IFI16: variants seen among roughly 807,000 people sequenced by gnomAD.
IFI16 encodes gamma-interferon-inducible protein 16.
IFI16 carries 49 observed loss-of-function variants against 68.4 expected under a neutral mutation model. The observed-to-expected ratio is 0.72, with a 90% CI of 0.57 to 0.91. IFI16 has a LOEUF of 0.91. IFI16 is among the 40% of genes least tolerant of loss of function. The pLI, the probability that IFI16 is intolerant of heterozygous loss-of-function variation, is 0.00. For missense variants in IFI16, 878 were observed against 942.9 expected (o/e 0.93, Z 0.90); for synonymous variants, 307 against 315.0 (o/e 0.97, Z 0.27).
intron 8 of IFI16, 106 bp downstream of exon 8, chr1:159,045,570 T>C: frequency 8.6e-7 from 1 of 1,165,450 alleles, no homozygotes; most frequent in Non-Finnish European, 1.2e-6. Context: ...TACAATGCTT[T>C]AATTTAACCA....
chr1:159,020,119 A>T (rs1281399895), intron 5 of IFI16, among the ~76,000 whole-genome samples: 1 of 152,194 alleles, frequency 6.6e-6, no homozygotes, highest in African/African-American at 2.4e-5. Flanking sequence ...AAGAAAACTC[A>T]TTGTTCTAGA....
chr1:159,029,769 C>G (rs1211409667), intron 6 of IFI16, among the ~76,000 whole-genome samples: 1 of 151,792 alleles, frequency 6.6e-6, no homozygotes, highest in Non-Finnish European at 1.5e-5. Flanking sequence ...CAACCTCCAC[C>G]TCCCAGGTTC....
intron 6 of IFI16, among the ~76,000 whole-genome samples, chr1:159,031,441 T>G (rs1257889770): frequency 6.6e-6 from 1 of 152,212 alleles, no homozygotes; most frequent in Non-Finnish European, 1.5e-5. Flanking sequence ...CTGGCAGCCC[T>G]CCTGAAGGAC....
At chr1:159,022,500 A>G (rs987859002) in intron 6 of IFI16, among the ~76,000 whole-genome samples, 2 of 152,140 alleles carry the variant, frequency 1.3e-5, no homozygotes, top group South Asian at 2.1e-4. Context: ...ATTGGCTGGG[A>G]CGGGACCTCA....
chr1:159,051,565 C>A, intron 9 of IFI16, 114 bp from the exon 10 acceptor site: 1 of 750,082 alleles, frequency 1.3e-6, no homozygotes, highest in Non-Finnish European at 2.2e-6. Flanking sequence ...CCCTACTTTA[C>A]CCAGTTAAGG....
upstream of IFI16, among the ~76,000 whole-genome samples, chr1:159,005,796 C>T (rs908588560): frequency 6.6e-6 from 1 of 152,128 alleles, no homozygotes; most frequent in Non-Finnish European, 1.5e-5. Context: ...CCAGGAACAT[C>T]CTCCCACTCC....
intron 9 of IFI16, among the ~76,000 whole-genome samples, chr1:159,050,096 C>G (rs1297206813): frequency 1.3e-5 from 2 of 152,160 alleles, no homozygotes; most frequent in Non-Finnish European, 2.9e-5. Flanking sequence ...TATGTATATA[C>G]AAAGAGTCTT....
upstream of IFI16, among the ~76,000 whole-genome samples, chr1:159,009,703 A>G (rs911006836): frequency 1.3e-5 from 2 of 152,230 alleles, no homozygotes; most frequent in African/African-American, 4.8e-5. Context: ...TTACATGGAT[A>G]TATGCCATAT....
In IFI16 at chr1:159,014,742, AT is replaced by A; in HGVS notation, c.66del (p.Phe22LeufsTer8). 1 of 1,608,682 alleles carries A rather than the reference AT, an allele frequency of 6.2e-7. No homozygotes were observed. Among genetic ancestry groups the A allele is most frequent in the South Asian group, 1.1e-5 (1 of 90,850 alleles). ...GGATTAGAGGTCATCAATGATTATCATTTTAGAATGGTTAAGTCCTTACTGA... is the reference window on the plus strand; with the variant it reads ...GGATTAGAGGTCATCAATGATTATCATTTAGAATGGTTAAGTCCTTACTGA... ...LKGLEVINDY[H>X]FRMVKSLLSN... On this transcript the variant is annotated frameshift_variant, in exon 2 of 12. Coordinates refer to ENST00000295809, the MANE Select transcript of IFI16 (RefSeq NM_001376587.1). LOFTEE classifies it high-confidence loss of function.
chr1:159,047,316 A>G (rs944036650), intron 8 of IFI16, among the ~76,000 whole-genome samples: 1 of 149,706 alleles, frequency 6.7e-6, no homozygotes, highest in Admixed American at 6.7e-5. Context: ...TTCCCCCTAT[A>G]TAGTCTTTCC....
At position 159,045,421 on chromosome 1, in the gene IFI16, C is replaced by T; in HGVS notation, c.1454C>T (p.Pro485Leu). Residue 485 changes from proline to leucine, a missense_variant, in exon 8 of 12, where the codon CCT (proline) becomes CTT (leucine). Pro to Leu is a moderately conservative substitution (Grantham distance 98). This residue lies in a region of IFI16 where 59 missense variants were observed against 119.0 expected (regional missense o/e 0.50). Coordinates refer to ENST00000295809, the MANE Select transcript of IFI16 (RefSeq NM_001376587.1). The part of the protein sequence containing the change: ...IGPAESHPHT[P>L]QMPPSTPSSS... ...CCAGCTGAGAGCCATCCCCACACTC[C>T]TCAGATGCCTCCATCAACACCAAGC... 1.9e-6 allele frequency: 3 copies of T among 1,570,552 alleles called. No homozygotes were observed. The highest frequency in any genetic ancestry group is 2.6e-6 in the Non-Finnish European group (3 of 1,159,738).
At chr1:159,007,272 C>G (rs1367929398), upstream of IFI16, among the ~76,000 whole-genome samples, 3 of 152,140 alleles carry the variant, frequency 2.0e-5, no homozygotes, top group East Asian at 5.8e-4. Context: ...CAGCAAAGGT[C>G]CAGCCCCAGC....
At chr1:159,016,464 A>T in intron 3 of IFI16, 69 bp from the exon 4 acceptor site, 1 of 1,354,644 alleles carries the variant, frequency 7.4e-7, no homozygotes, top group Non-Finnish European at 1.0e-6. Context: ...ACTACTATCC[A>T]ATAATGAAAA....
At chr1:159,016,067 A>G in intron 3 of IFI16, 80 bp downstream of exon 3, 1 of 852,616 alleles carries the variant, frequency 1.2e-6, no homozygotes, top group Non-Finnish European at 1.9e-6. Context: ...TCTCTCCAGC[A>G]GGCAGTTATT....
chr1:159,048,904 C>T (rs1571893578), intron 8 of IFI16, among the ~76,000 whole-genome samples: 1 of 151,466 alleles, frequency 6.6e-6, no homozygotes, highest in Admixed American at 6.6e-5. Context: ...GCCTGATCCA[C>T]ACTGTAGTGA....
In IFI16 at chr1:159,018,496, G is replaced by A. The variant is rs2101823556; in HGVS notation, c.817G>A (p.Val273Ile). The change falls in exon 5 of 12, where the codon GTC becomes ATC. Residue 273 changes from valine (V) to isoleucine (I), a missense_variant. By Grantham distance (29) the Val-to-Ile change is conservative (BLOSUM62 3). This residue lies in a region of IFI16 where 443 missense variants were observed against 421.8 expected (regional missense o/e 1.05). Coordinates refer to ENST00000295809, the MANE Select transcript of IFI16 (RefSeq NM_001376587.1). ...TTTGGAATATGATAGTCTCCTAGAGGTCAATGAAGAATCTACTGTATCTGA... is the reference window on the plus strand; with the variant it reads ...TTTGGAATATGATAGTCTCCTAGAGATCAATGAAGAATCTACTGTATCTGA... Reference protein sequence around the residue: ...DYLEYDSLLEVNEESTVSEAG... With the variant: ...DYLEYDSLLEINEESTVSEAG... 1.2e-6 allele frequency: 2 copies of A among 1,614,086 alleles called. No homozygotes were observed. The highest frequency in any genetic ancestry group is 8.5e-7 in the Non-Finnish European group (1 of 1,179,934).
chr1:159,020,187 G>C (rs957274189), intron 5 of IFI16, among the ~76,000 whole-genome samples, 154 bp from the exon 6 acceptor site: 1 of 152,160 alleles, frequency 6.6e-6, no homozygotes, highest in Non-Finnish European at 1.5e-5. Flanking sequence ...ATTGAGGGAC[G>C]GCTTTCTGCA....
chr1:159,025,762 A>T (rs1653629773), intron 6 of IFI16, among the ~76,000 whole-genome samples: 1 of 152,184 alleles, frequency 6.6e-6, no homozygotes, highest in Non-Finnish European at 1.5e-5. Context: ...ACTCTCTAGA[A>T]GGTTTTTCCG....
rs751762256 is a variant in IFI16 at position 159,054,933 on chromosome 1, G to A, written c.*32G>A. On this transcript the variant is annotated 3_prime_UTR_variant, in exon 12 of 12. Coordinates refer to ENST00000295809, the MANE Select transcript of IFI16 (RefSeq NM_001376587.1). ...GATGTCATTGACGATAATGTTTATG[G>A]AGATAAGGTCTAAGTGCCTAAAAAA... 17 of 1,308,928 alleles carry A rather than the reference G, an allele frequency of 1.3e-5. No individual in the cohort carries two copies. The highest frequency in any genetic ancestry group is 5.2e-5 in the Admixed American group (3 of 57,728). 81.1% of individuals were successfully genotyped at this position (1,308,928 alleles called of 1,614,324 possible). A position where few individuals can be genotyped will look rare whatever the true frequency, so the allele number is the denominator to read the frequency against.
Sources: gnomAD v4.1 joint callset for allele counts (sites outside exome capture counted in the v4.1 genomes callset) on GRCh38, gnomAD v4.1.1 for gene constraint, gnomAD v4.1.1 regional missense constraint, MANE v1.5 for transcripts, NCBI Gene and HGNC (gene_info 2026-07-23, HGNC 2026-07-21) for gene names.